Variants in MANEA observed in about 807,000 individuals in gnomAD.
MANEA encodes mannosidase endo-alpha.
Under a neutral mutation model 36.8 loss-of-function variants are expected in MANEA, and 25 were observed. That is an observed-to-expected ratio of 0.68 (90% CI 0.50 to 0.95). The LOEUF (loss-of-function observed/expected upper bound fraction) is 0.95, where lower values mean the gene tolerates loss of function less well. MANEA is among the 40% of genes least tolerant of loss of function. The pLI is 0.00. For missense variants in MANEA, 565 were observed against 558.8 expected, an observed-to-expected ratio of 1.01 and a Z score of -0.11; for synonymous variants, 198 against 188.5, an observed-to-expected ratio of 1.05 and a Z score of -0.41.
At chr6:95,598,907 A>G (rs1295099697) in intron 3 of MANEA, among the ~76,000 whole-genome samples, 4 of 152,272 alleles carry the variant, frequency 2.6e-5, no homozygotes, top group Non-Finnish European at 5.9e-5. Flanking sequence ...ATCATATGAA[A>G]TCTGAATCTA....
At chr6:95,582,660 CAA>C (rs1340299330) in intron 1 of MANEA, among the ~76,000 whole-genome samples, 1 of 152,172 alleles carries the variant, frequency 6.6e-6, no homozygotes, top group Non-Finnish European at 1.5e-5. Context: ...ATAGCACAAA[CAA>C]TTTCTGTTTA....
rs1302470856 is a variant in MANEA, at chr6:95,606,020, A to G, written c.1004A>G (p.His335Arg). 6.2e-7 allele frequency: 1 copy of G among 1,614,052 alleles called. No homozygotes were observed. The highest frequency in any genetic ancestry group is 1.7e-5 in the Admixed American group (1 of 60,002). The change falls in exon 5 of 5, where the codon CAT becomes CGT. Residue 335 changes from histidine (H) to arginine (R), a missense_variant. By Grantham distance (29) the His-to-Arg change is conservative. Coordinates refer to ENST00000358812, the MANE Select transcript of MANEA (RefSeq NM_024641.4). ...ATNGFTYGSS[H>R]QNWASLKLFC... ...AATGGCTTTACTTATGGCTCATCACATCAGAATTGGGCTAGCCTAAAATTA... is the reference window on the plus strand; with the variant it reads ...AATGGCTTTACTTATGGCTCATCACGTCAGAATTGGGCTAGCCTAAAATTA...
At chr6:95,593,023 T>C (rs9320566) in intron 2 of MANEA, among the ~76,000 whole-genome samples, 90,793 of 152,070 alleles carry the variant, frequency 0.6, 27,522 homozygotes, top group East Asian at 0.87. Context: ...TGCATTTAGT[T>C]TGCTAATATT....
chr6:95,605,908 C>T lies in MANEA; in HGVS notation c.892C>T (p.Leu298=), dbSNP rs1769700327. The change falls in exon 5 of 5, where the codon CTG becomes TTG. Residue 298 remains leucine (L), a synonymous_variant. Transcript: ENST00000358812. ...RSIRNSPYDG[L]FIALLVEEKH... is the part of the protein sequence containing the mutation. ...TATTCGCAATTCTCCTTATGATGGA[C>T]TGTTTATTGCCCTTCTGGTAGAAGA... 1.2e-6 allele frequency: 2 copies of T among 1,613,840 alleles called. No homozygotes were observed. Among genetic ancestry groups the T allele is most frequent in the South Asian group, 1.1e-5 (1 of 91,076 alleles).
chr6:95,592,456 C>CT (rs1481385758), intron 2 of MANEA, among the ~76,000 whole-genome samples: 1 of 151,948 alleles, frequency 6.6e-6, no homozygotes, highest in African/African-American at 2.4e-5. Context: ...GTTTTTCTTG[C>CT]TTTTTTTTCT....
At chr6:95,581,382 T>C (rs1428725301) in intron 1 of MANEA, among the ~76,000 whole-genome samples, 1 of 152,040 alleles carries the variant, frequency 6.6e-6, no homozygotes, top group Non-Finnish European at 1.5e-5. Context: ...GCTTAAGAAA[T>C]TACATTCATA....
rs372562180 is a variant in MANEA, at chr6:95,580,587, TG to T, written c.-39+2951del. On this transcript the variant is annotated intron_variant, in intron 1 of 4. Transcript: ENST00000358812. ...AAAAATACAAAAAATTAGCCAGGCGTGGTGGCAGGCACCTGTAGTCCCAGCT... is the reference window on the plus strand; with the variant it reads ...AAAAATACAAAAAATTAGCCAGGCGTGTGGCAGGCACCTGTAGTCCCAGCT... 1.3e-4 allele frequency among the ~76,000 whole-genome samples: 19 copies of T among 151,982 alleles called. No individual in the cohort carries two copies. The South Asian group carries it at 2.3e-3, about 18-fold the overall frequency.
At position 95,596,786 on chromosome 6, in the gene MANEA, A is replaced by T; in HGVS notation, c.594A>T (p.Gly198=). ...WYPPDVNDEN[G]EPTDNLVPTI... ...CACCTGATGTAAATGATGAAAATGG[A>T]GAACCTACTGATAACTTGGTACCCA... Residue 198 remains glycine, a synonymous_variant, in exon 3 of 5, where the codon GGA becomes GGT. Coordinates refer to ENST00000358812, the MANE Select transcript of MANEA (RefSeq NM_024641.4). 6.2e-7 allele frequency: 1 copy of T among 1,609,078 alleles called. No homozygotes were observed. Among genetic ancestry groups the T allele is most frequent in the South Asian group, 1.1e-5 (1 of 90,892 alleles).
chr6:95,592,848 C>T (rs1481910353), intron 2 of MANEA, among the ~76,000 whole-genome samples: 1 of 152,088 alleles, frequency 6.6e-6, no homozygotes, highest in South Asian at 2.1e-4. Flanking sequence ...AGAATAAGAA[C>T]TCGATTCTCT....
At position 95,606,664 on chromosome 6, in the gene MANEA, G is replaced by T. The variant is rs9401034; in HGVS notation, c.*259G>T. 0.22 allele frequency: 45,652 copies of T among 204,152 alleles called. 5,971 individuals are homozygous for T. Among genetic ancestry groups the T allele is most frequent in the Middle Eastern group, 0.33 (191 of 578 alleles). 12.6% of individuals were successfully genotyped at this position (204,152 alleles called of 1,614,324 possible). ...CATTTCTGACTGAAATCAAAATTCT[G>T]ATTTGATGGCAATTGAATTTTCATT... On this transcript the variant is annotated 3_prime_UTR_variant, in exon 5 of 5. Coordinates refer to ENST00000358812, the MANE Select transcript of MANEA (RefSeq NM_024641.4).
At chr6:95,591,449 G>A (rs534421790) in intron 2 of MANEA, among the ~76,000 whole-genome samples, 37 of 151,816 alleles carry the variant, frequency 2.4e-4, no homozygotes, top group African/African-American at 8.2e-4. Context: ...GTAGTCTGCC[G>A]TAATTTAAAA....
chr6:95,607,211 T>A lies in MANEA; in HGVS notation c.*806T>A, dbSNP rs1562202471. On this transcript the variant is annotated 3_prime_UTR_variant, in exon 5 of 5. Coordinates refer to ENST00000358812, the MANE Select transcript of MANEA (RefSeq NM_024641.4). The stretch of plus-strand genomic sequence containing the variant: ...GTCCTTTTATGAAAAAGTTACTGAT[T>A]GCTTCTCAGTTATTAGGAAAACAGT... 1 of 152,122 alleles carries A rather than the reference T, an allele frequency of 6.6e-6. No homozygotes were observed. The highest frequency in any genetic ancestry group is 1.5e-5 in the Non-Finnish European group (1 of 67,994). 9.4% of individuals were successfully genotyped at this position (152,122 alleles called of 1,614,324 possible).
At chr6:95,587,198 G>A (rs1197612620) in intron 2 of MANEA, 1 of 474,200 alleles carries the variant, frequency 2.1e-6, no homozygotes, top group Non-Finnish European at 3.8e-6. Flanking sequence ...ACATTTTGGA[G>A]CATTTCTGGA....
At chr6:95,590,605 A>G (rs987757460) in intron 2 of MANEA, among the ~76,000 whole-genome samples, 3 of 152,236 alleles carry the variant, frequency 2.0e-5, no homozygotes, top group African/African-American at 7.2e-5. Context: ...ATATGATGTC[A>G]TAAAATTTCC....
chr6:95,578,091 T>G (rs1769105431), intron 1 of MANEA, among the ~76,000 whole-genome samples: 1 of 152,124 alleles, frequency 6.6e-6, no homozygotes, highest in Admixed American at 6.5e-5. Context: ...GATCGAGGCC[T>G]GCTGGGCTCT....
intron 2 of MANEA, among the ~76,000 whole-genome samples, chr6:95,594,518 G>A (rs780984531): frequency 6.6e-6 from 1 of 152,164 alleles, no homozygotes; most frequent in African/African-American, 2.4e-5. Flanking sequence ...AGAAGTGTGT[G>A]TAATGGCGAT....
intron 2 of MANEA, chr6:95,590,142 A>G (rs1769361528): frequency 1.3e-5 from 2 of 152,210 alleles, no homozygotes; most frequent in South Asian, 2.1e-4. Context: ...ATTAAGACCC[A>G]TGTCAACACT....
Position 95,586,415 on chromosome 6 carries a change from A to G in MANEA, c.-25A>G, listed in dbSNP as rs1229346902. 1.9e-6 allele frequency: 3 copies of G among 1,570,932 alleles called. No homozygotes were observed. Among genetic ancestry groups the G allele is most frequent in the African/African-American group, 1.4e-5 (1 of 72,982 alleles). On this transcript the variant is annotated 5_prime_UTR_variant, in exon 2 of 5. Transcript: ENST00000358812. ...AATAAATTGCAGCAAAACACTTACTATTTTGGAGTTTAAAGTATGTCATCA... is the reference window on the plus strand; with the variant it reads ...AATAAATTGCAGCAAAACACTTACTGTTTTGGAGTTTAAAGTATGTCATCA...
At chr6:95,587,487 G>C (rs1769311431) in intron 2 of MANEA, 1 of 157,112 alleles carries the variant, frequency 6.4e-6, no homozygotes, top group South Asian at 2.0e-4. Context: ...TCTATCACTG[G>C]AGAATAGTTG....
Sources: allele counts gnomAD v4.1 joint callset (sites outside exome capture counted in the v4.1 genomes callset), GRCh38; gene constraint gnomAD v4.1.1; transcripts MANE v1.5; gene names NCBI Gene and HGNC (gene_info 2026-07-23, HGNC 2026-07-21).